Variants in SLC12A3 observed in about 807,000 individuals in gnomAD.
SLC12A3 encodes the protein solute carrier family 12 member 3.
Under a neutral mutation model 121.0 loss-of-function variants are expected in SLC12A3, and 104 were observed. The observed-to-expected ratio is 0.86, with a 90% CI of 0.73 to 1.01. The LOEUF is 1.01. SLC12A3 is among the 50% of genes least tolerant of loss of function. SLC12A3 has a pLI of 0.00. For missense variants in SLC12A3, 1,328 were observed against 1,356.3 expected, an observed-to-expected ratio of 0.98 and a Z score of 0.33; for synonymous variants, 536 against 533.4, an observed-to-expected ratio of 1.00 and a Z score of -0.07.
intron 22 of SLC12A3, among the ~76,000 whole-genome samples, chr16:56,896,055 CTAACAGGCCATGGTCAG>C (rs2055457991): frequency 6.6e-6 from 1 of 152,232 alleles, no homozygotes; most frequent in Non-Finnish European, 1.5e-5. Flanking sequence ...CACCCGGTTC[CTAACAGGCCATGGTCAG>C]TACCTGTTGG....
intron 18 of SLC12A3, among the ~76,000 whole-genome samples, 174 bp from the exon 19 acceptor site, chr16:56,890,100 G>T (rs1053666798): frequency 2.6e-5 from 4 of 152,162 alleles, no homozygotes; most frequent in Non-Finnish European, 4.4e-5. Context: ...AGGAGTCCTG[G>T]GGTACTCTCC....
intron 3 of SLC12A3, among the ~76,000 whole-genome samples, chr16:56,868,929 G>A (rs575147546): frequency 1.5e-4 from 22 of 151,720 alleles, no homozygotes; most frequent in Middle Eastern, 3.4e-3. Context: ...CCGAGATCAC[G>A]CCACTGCATT....
At chr16:56,887,152 G>A in intron 17 of SLC12A3, 59 bp downstream of exon 17, 1 of 1,610,990 alleles carries the variant, frequency 6.2e-7, no homozygotes, top group Admixed American at 1.7e-5. Flanking sequence ...AACCTGGAAG[G>A]CAGAAAGTCT....
At chr16:56,876,008 C>G (rs1262175952) in intron 8 of SLC12A3, among the ~76,000 whole-genome samples, 2 of 151,894 alleles carry the variant, frequency 1.3e-5, no homozygotes, top group African/African-American at 4.8e-5. Context: ...TATTCCCTCC[C>G]CGTTCAGGAG....
chr16:56,900,720 G>A (rs2055526861), intron 23 of SLC12A3, among the ~76,000 whole-genome samples: 1 of 151,982 alleles, frequency 6.6e-6, no homozygotes, highest in Non-Finnish European at 1.5e-5. Context: ...TAGTAGAGAT[G>A]GGGTTTCACC....
chr16:56,886,243 A>C lies in SLC12A3; in HGVS notation c.1926-121A>C, dbSNP rs1239391930. The C allele has an allele frequency of 3.0e-5, 21 of 695,058 alleles. No homozygotes were observed. The East Asian group carries it at 5.6e-4, about 19-fold the overall frequency. The allele number at this position is 695,058 out of a possible 1,614,324, so 43.1% of individuals were successfully genotyped here. ...TTATAGGTGGGAAGCCGAGGCCCCAAGCATGTAGGGTCATGCTGGTGGCCA... is the reference window on the plus strand; with the variant it reads ...TTATAGGTGGGAAGCCGAGGCCCCACGCATGTAGGGTCATGCTGGTGGCCA... On this transcript the variant is annotated intron_variant, in intron 15 of 25. Transcript: ENST00000563236.
intron 18 of SLC12A3, among the ~76,000 whole-genome samples, chr16:56,889,717 C>T (rs972088889): frequency 2.0e-5 from 3 of 152,122 alleles, no homozygotes; most frequent in Non-Finnish European, 2.9e-5. Context: ...TCAGGTGATC[C>T]GCCTGCCTTG....
chr16:56,905,899 C>G (rs3794652), intron 25 of SLC12A3, among the ~76,000 whole-genome samples: 51,122 of 152,012 alleles, frequency 0.34, 9,778 homozygotes, highest in African/African-American at 0.53. Flanking sequence ...CTGTTTGAAC[C>G]CTTCTATAAA....
chr16:56,890,527 A>C (rs573644810), intron 19 of SLC12A3, among the ~76,000 whole-genome samples, 171 bp downstream of exon 19: 3 of 152,360 alleles, frequency 2.0e-5, no homozygotes, highest in African/African-American at 4.8e-5. Flanking sequence ...CAACGCATTC[A>C]AGGTCATGCT....
chr16:56,878,860 C>T lies in SLC12A3; in HGVS notation c.1181-213C>T, dbSNP rs562518343. Among the ~76,000 whole-genome samples the T allele has an allele frequency of 1.4e-4, 21 of 152,296 alleles. No homozygotes were observed. In the South Asian group the frequency reaches 2.5e-3, roughly 18 times the overall value. On this transcript the variant is annotated intron_variant, in intron 9 of 25. Transcript: ENST00000563236. ...TCTCTGCGCCTCTGTAAAATGGCAA[C>T]GACAACAAAAATAATAGTAATGCCT...
chr16:56,869,685 TC>T lies in SLC12A3; in HGVS notation c.506-41del, dbSNP rs536061661. The T allele has an allele frequency of 1.1e-4, 165 of 1,540,568 alleles. No individual in the cohort carries two copies. The African/African-American group carries it at 2.2e-3, about 20-fold the overall frequency. On this transcript the variant is annotated intron_variant, in intron 3 of 25. Transcript: ENST00000563236. ...GAATGAGTAGGCAAACTGGGGCTCC[TC>T]CCTTGGGAAATGCCCTGCCTAAGCT...
intron 8 of SLC12A3, among the ~76,000 whole-genome samples, chr16:56,877,774 C>T (rs994760113): frequency 1.1e-4 from 17 of 152,176 alleles, no homozygotes; most frequent in Non-Finnish European, 1.8e-4. Context: ...GCCTCTGTGG[C>T]GCAGGCGTGG....
chr16:56,896,818 G>C (rs145461200), intron 22 of SLC12A3, among the ~76,000 whole-genome samples: 1 of 152,116 alleles, frequency 6.6e-6, no homozygotes, highest in African/African-American at 2.4e-5. Flanking sequence ...TGGTCCAGGC[G>C]TGGTGGCTTA....
chr16:56,900,943 G>T (rs567707882), intron 23 of SLC12A3, among the ~76,000 whole-genome samples: 4 of 151,960 alleles, frequency 2.6e-5, no homozygotes, highest in South Asian at 2.1e-4. Flanking sequence ...ACTCTTTGTC[G>T]ACCCCTCCTC....
chr16:56,914,587 G>C lies in SLC12A3; in HGVS notation c.*1182G>C, dbSNP rs2055729824. ...ACACAGGGAGTCTGGCTGAGCTGGG[G>C]AAAGGCCACGGCTGGGTGTCATTGC... On this transcript the variant is annotated 3_prime_UTR_variant, in exon 26 of 26. Coordinates refer to ENST00000563236, the MANE Select transcript of SLC12A3 (RefSeq NM_001126108.2). 1.3e-5 allele frequency: 2 copies of C among 152,234 alleles called. No homozygotes were observed. Among genetic ancestry groups the C allele is most frequent in the Admixed American group, 6.5e-5 (1 of 15,284 alleles). The allele number at this position is 152,234 out of a possible 1,614,324, so 9.4% of individuals were successfully genotyped here. A position where few individuals can be genotyped will look rare whatever the true frequency, so the allele number is the denominator to read the frequency against.
chr16:56,913,246 C>T lies in SLC12A3; in HGVS notation c.2925-18C>T, dbSNP rs1165191250. On this transcript the variant is annotated intron_variant, in intron 25 of 25. Coordinates refer to ENST00000563236, the MANE Select transcript of SLC12A3 (RefSeq NM_001126108.2). ...CCCCGTGGTAATCTCTCTTCTACCA[C>T]TTTTTCATGCCTTGCAGCACTTTGC... is the stretch of plus-strand genomic sequence containing the variant. The T allele has an allele frequency of 1.2e-6, 2 of 1,614,132 alleles. No homozygotes were observed. The highest frequency in any genetic ancestry group is 1.7e-6 in the Non-Finnish European group (2 of 1,180,016).
chr16:56,913,089 G>A (rs1477273981), intron 25 of SLC12A3, among the ~76,000 whole-genome samples, 175 bp from the exon 26 acceptor site: 1 of 152,206 alleles, frequency 6.6e-6, no homozygotes, highest in East Asian at 1.9e-4. Context: ...CTTCACGGCA[G>A]AAGGTCCATT....
intron 22 of SLC12A3, among the ~76,000 whole-genome samples, chr16:56,897,638 T>C (rs2055483052): frequency 6.6e-6 from 1 of 152,222 alleles, no homozygotes; most frequent in Admixed American, 6.5e-5. Flanking sequence ...ACGAGATTGC[T>C]CTGCAGTCTC....
At chr16:56,881,414 A>G (rs1215393177) in intron 12 of SLC12A3, among the ~76,000 whole-genome samples, 1 of 151,016 alleles carries the variant, frequency 6.6e-6, no homozygotes, top group African/African-American at 2.4e-5. Context: ...CCTGCAATGT[A>G]CCCTGATGCA....
Sources: allele counts gnomAD v4.1 joint callset (sites outside exome capture counted in the v4.1 genomes callset), GRCh38; gene constraint gnomAD v4.1.1; transcripts MANE v1.5; gene names NCBI Gene and HGNC (gene_info 2026-07-23, HGNC 2026-07-21).